The following DLG2 variants were observed in gnomAD, a reference collection of about 807,000 sequenced individuals.
DLG2 encodes the protein discs large MAGUK scaffold protein 2.
In DLG2, 45 loss-of-function variants were observed where a neutral mutation model predicts 132.5. The observed-to-expected ratio is 0.34, with a 90% CI of 0.27 to 0.44. The LOEUF is 0.44. Ranked by LOEUF, DLG2 falls within the 20% of genes least tolerant of loss-of-function variation. The pLI is 1.00. For synonymous variants in DLG2, 424 were observed against 419.6 expected (o/e 1.01, Z -0.13); for missense variants, 1,045 against 1,196.9 (o/e 0.87, Z 1.87).
intron 7 of DLG2, among the ~76,000 whole-genome samples, chr11:84,439,025 C>T (rs1324211301): frequency 6.6e-6 from 1 of 152,176 alleles, no homozygotes; most frequent in Non-Finnish European, 1.5e-5. Context: ...TGAATACCCT[C>T]ATAGGCAATT....
At chr11:84,126,877 C>A (rs1555362622) in intron 9 of DLG2, among the ~76,000 whole-genome samples, 1 of 152,178 alleles carries the variant, frequency 6.6e-6, no homozygotes, top group East Asian at 1.9e-4. Context: ...ATTTACAATT[C>A]CTTGTACAAT....
At chr11:83,697,614 A>G (rs561392286) in intron 18 of DLG2, among the ~76,000 whole-genome samples, 8 of 152,340 alleles carry the variant, frequency 5.3e-5, no homozygotes, top group African/African-American at 1.9e-4. Flanking sequence ...TGTAAGCTAG[A>G]AAGACCAAAC....
At chr11:84,629,096 G>T (rs775348599) in intron 6 of DLG2, among the ~76,000 whole-genome samples, 3 of 152,088 alleles carry the variant, frequency 2.0e-5, no homozygotes, top group Non-Finnish European at 4.4e-5. Context: ...TCCTGCAACT[G>T]CCTGTTAATT....
intron 15 of DLG2, among the ~76,000 whole-genome samples, chr11:83,898,888 T>C (rs1426554230): frequency 1.3e-5 from 2 of 152,206 alleles, no homozygotes; most frequent in Non-Finnish European, 2.9e-5. Flanking sequence ...AGAAAAAATA[T>C]GACTATAGCA....
intron 7 of DLG2, among the ~76,000 whole-genome samples, chr11:84,506,311 G>C (rs1456210798): frequency 1.3e-5 from 2 of 151,864 alleles, no homozygotes; most frequent in South Asian, 2.1e-4. Context: ...TCCTGACCTC[G>C]TGATCCGCCC....
chr11:83,575,043 A>G (rs1273672845), intron 19 of DLG2, among the ~76,000 whole-genome samples: 1 of 152,238 alleles, frequency 6.6e-6, no homozygotes, highest in African/African-American at 2.4e-5. Context: ...TCTAAATTAT[A>G]TCTGATAACC....
intron 6 of DLG2, among the ~76,000 whole-genome samples, chr11:84,717,602 G>T (rs1057258854): frequency 7.2e-5 from 11 of 151,950 alleles, no homozygotes; most frequent in South Asian, 2.1e-4. Context: ...ATATATAAAT[G>T]GTTCCTATAT....
intron 3 of DLG2, among the ~76,000 whole-genome samples, chr11:85,392,371 T>G (rs1021236973): frequency 1.3e-5 from 2 of 151,586 alleles, no homozygotes; most frequent in Non-Finnish European, 2.9e-5. Context: ...CCAAAAGCAA[T>G]CTATGAATTC....
intron 8 of DLG2, among the ~76,000 whole-genome samples, chr11:84,182,026 G>A (rs777213704): frequency 9.2e-5 from 14 of 152,116 alleles, no homozygotes; most frequent in Admixed American, 9.2e-4. Flanking sequence ...TCACACAACT[G>A]ATATCAAGCA....
At chr11:85,217,033 T>C (rs1453878888) in intron 4 of DLG2, among the ~76,000 whole-genome samples, 1 of 152,142 alleles carries the variant, frequency 6.6e-6, no homozygotes, top group African/African-American at 2.4e-5. Flanking sequence ...GTATAGTACT[T>C]CATAAGAGTT....
At chr11:85,319,373 T>C (rs1429301261) in intron 3 of DLG2, among the ~76,000 whole-genome samples, 1 of 151,866 alleles carries the variant, frequency 6.6e-6, no homozygotes, top group Non-Finnish European at 1.5e-5. Flanking sequence ...CAGTACATCA[T>C]TAACTTTATG....
intron 3 of DLG2, among the ~76,000 whole-genome samples, chr11:85,580,751 C>G (rs1422585354): frequency 6.6e-6 from 1 of 152,160 alleles, no homozygotes; most frequent in Non-Finnish European, 1.5e-5. Flanking sequence ...ATACTCTTAA[C>G]CCTTACACCA....
At chr11:85,033,911 T>A (rs1007200700) in intron 6 of DLG2, among the ~76,000 whole-genome samples, 1 of 152,038 alleles carries the variant, frequency 6.6e-6, no homozygotes, top group African/African-American at 2.4e-5. Flanking sequence ...TTAAAAAAAA[T>A]AAAACTTTTT....
In DLG2 at chr11:84,947,843, G is replaced by C. The variant is rs1391752519; in HGVS notation, c.357+163818C>G. ...CTCTTTTACTCTCATAAGTGTCCTT[G>C]GTTGAACAATAAATTACATAGGTAC... On this transcript the variant is annotated intron_variant, in intron 6 of 27. Transcript: ENST00000376104. Among the ~76,000 whole-genome samples the C allele has an allele frequency of 4.6e-5, 7 of 152,226 alleles. No homozygotes were observed. In the South Asian group the frequency reaches 1.5e-3, roughly 32 times the overall value.
intron 10 of DLG2, among the ~76,000 whole-genome samples, chr11:84,076,598 T>C (rs1594750512): frequency 6.6e-6 from 1 of 152,198 alleles, no homozygotes; most frequent in Non-Finnish European, 1.5e-5. Flanking sequence ...CTCCTATCTA[T>C]GCTATTGTCA....
intron 19 of DLG2, among the ~76,000 whole-genome samples, chr11:83,595,830 C>T (rs117735142): frequency 6.6e-6 from 1 of 152,126 alleles, no homozygotes; most frequent in African/African-American, 2.4e-5. Context: ...CAAAAGTCTG[C>T]CATTATCAAT....
intron 6 of DLG2, among the ~76,000 whole-genome samples, chr11:84,594,082 A>G (rs1313383157): frequency 6.6e-6 from 1 of 152,202 alleles, no homozygotes; most frequent in East Asian, 1.9e-4. Context: ...TCTTAGAGGA[A>G]GGAAAGAATG....
intron 3 of DLG2, among the ~76,000 whole-genome samples, chr11:85,549,260 G>A (rs942785210): frequency 9.2e-5 from 14 of 152,018 alleles, no homozygotes; most frequent in African/African-American, 2.2e-4. Flanking sequence ...TGCACTTCCC[G>A]GATGAGGTGA....
At chr11:84,644,810 A>G (rs1337879424) in intron 6 of DLG2, among the ~76,000 whole-genome samples, 2 of 152,110 alleles carry the variant, frequency 1.3e-5, no homozygotes, top group African/African-American at 4.8e-5. Context: ...GTATGTAGAA[A>G]ATAATGAGGG....
Sources: allele counts gnomAD v4.1 joint callset (sites outside exome capture counted in the v4.1 genomes callset), GRCh38; gene constraint gnomAD v4.1.1; transcripts MANE v1.5; gene names NCBI Gene and HGNC (gene_info 2026-07-23, HGNC 2026-07-21).